Variants in PLEKHA4 observed in about 807,000 individuals in gnomAD.
The protein encoded by PLEKHA4 is pleckstrin homology domain containing A4.
In PLEKHA4, 73 loss-of-function variants were observed where a neutral mutation model predicts 94.7. The observed-to-expected ratio is 0.77, with a 90% CI of 0.64 to 0.94. The LOEUF (loss-of-function observed/expected upper bound fraction) is 0.94, where lower values mean the gene tolerates loss of function less well. PLEKHA4 is among the 40% of genes least tolerant of loss of function. The probability of loss-of-function intolerance (pLI) is 0.00; values close to 1 mark genes in which losing one functional copy is unlikely to be tolerated. For synonymous variants in PLEKHA4, 449 were observed against 437.1 expected (o/e 1.03, Z -0.34); for missense variants, 1,049 against 1,054.1 (o/e 1.00, Z 0.07).
intron 13 of PLEKHA4, among the ~76,000 whole-genome samples, chr19:48,851,881 T>C (rs932122797): frequency 2.0e-5 from 3 of 151,976 alleles, no homozygotes; most frequent in African/African-American, 7.3e-5. Context: ...AAGGCAGAGG[T>C]TGCAGTGCGC....
At chr19:48,849,672 G>C (rs904902770) in intron 13 of PLEKHA4, among the ~76,000 whole-genome samples, 14 of 152,180 alleles carry the variant, frequency 9.2e-5, no homozygotes, top group Admixed American at 7.9e-4. Flanking sequence ...TGAAAAAGCA[G>C]GTCTGAGGCT....
rs1389033705 is a variant in PLEKHA4, at chr19:48,845,552, G to C, written c.1631C>G (p.Pro544Arg). The change falls in exon 15 of 20, where the codon CCT becomes CGT. Residue 544 changes from proline to arginine, a missense_variant. Coordinates refer to ENST00000263265, the MANE Select transcript of PLEKHA4 (RefSeq NM_020904.3). The stretch of plus-strand genomic sequence containing the variant: ...GCTGGCGAGGTCTTTGTCGCCTCCA[G>C]GAGGCCGCCCCCAGTCAGTCTCGGG... Reference protein sequence around the residue: ...RSPETDWGRPPGGDKDLASPH... With the variant: ...RSPETDWGRPRGGDKDLASPH... The C allele has an allele frequency of 2.5e-6, 4 of 1,611,532 alleles. No homozygotes were observed. Among genetic ancestry groups the C allele is most frequent in the Admixed American group, 3.3e-5 (2 of 59,746 alleles).
In PLEKHA4 at chr19:48,857,479, G is replaced by T. The variant is rs778377266; in HGVS notation, c.990C>A (p.Pro330=). The change falls in exon 9 of 20, where the codon CCC becomes CCA. Residue 330 remains proline (P), a synonymous_variant. Coordinates refer to ENST00000263265, the MANE Select transcript of PLEKHA4 (RefSeq NM_020904.3). ...EPRTQAHSGS[P]TYLQLPPRPP... ...GCCGCGGGGGGAGCTGGAGATAAGT[G>T]GGGGAGCCAGAGTGTGCCTGGGAGG... The T allele has an allele frequency of 4.0e-5, 62 of 1,561,220 alleles. No individual in the cohort carries two copies. The highest frequency in any genetic ancestry group is 1.2e-5 in the South Asian group (1 of 84,936).
intron 16 of PLEKHA4, 114 bp downstream of exon 16, chr19:48,845,256 T>A: frequency 1.0e-6 from 1 of 962,034 alleles, no homozygotes; most frequent in Non-Finnish European, 1.6e-6. Context: ...TAACAAGCAG[T>A]GCTCTCTCTG....
intron 17 of PLEKHA4, among the ~76,000 whole-genome samples, chr19:48,840,285 T>C (rs1020303080): frequency 2.6e-5 from 4 of 151,856 alleles, no homozygotes; most frequent in Non-Finnish European, 1.5e-5. Flanking sequence ...TGTAGTGGCA[T>C]ATCCCTGTAG....
chr19:48,864,526 C>T (rs1406369973), intron 3 of PLEKHA4, among the ~76,000 whole-genome samples: 2 of 149,972 alleles, frequency 1.3e-5, no homozygotes, highest in Non-Finnish European at 3.0e-5. Context: ...TGAAGTTCTC[C>T]TCTCTCAGCC....
chr19:48,865,701 G>C (rs2036808031), intron 2 of PLEKHA4, 91 bp from the exon 3 acceptor site: 1 of 831,068 alleles, frequency 1.2e-6, no homozygotes, highest in South Asian at 1.6e-5. Context: ...GTAGGCTCTC[G>C]CTTGGCTGCC....
intron 13 of PLEKHA4, among the ~76,000 whole-genome samples, chr19:48,849,209 GTC>G (rs2036089905): frequency 1.3e-5 from 2 of 151,868 alleles, no homozygotes; most frequent in Admixed American, 6.6e-5. Flanking sequence ...GCTGGCATGG[GTC>G]TGTTCTTGCC....
rs1599860509 is a variant in PLEKHA4, at chr19:48,839,206, T to C, written c.1963A>G (p.Ser655Gly). 10 of 1,586,546 alleles carry C rather than the reference T, an allele frequency of 6.3e-6. No individual in the cohort carries two copies. The highest frequency in any genetic ancestry group is 8.6e-6 in the Non-Finnish European group (10 of 1,164,050). Reference sequence around the variant, plus strand: ...TTGATACGCCCTCCAGTTCCTTACCTACTCCAGGACCCAGAGCTTCTGAGC... The same window carrying C: ...TTGATACGCCCTCCAGTTCCTTACCCACTCCAGGACCCAGAGCTTCTGAGC... Reference protein sequence around the residue: ...KWLRSSGSWSSPRNTTPYLPT... With the variant: ...KWLRSSGSWSGPRNTTPYLPT... The change falls in exon 18 of 20, where the codon AGT becomes GGT. Residue 655 changes from serine to glycine, a missense_variant and splice_region_variant. Transcript: ENST00000263265.
At chr19:48,860,827 G>C (rs1568552758) in intron 5 of PLEKHA4, among the ~76,000 whole-genome samples, 3 of 141,552 alleles carry the variant, frequency 2.1e-5, no homozygotes, top group African/African-American at 7.9e-5. Flanking sequence ...AAGAGAGAAA[G>C]AGAAAGAAAG....
At chr19:48,854,684 A>C in intron 9 of PLEKHA4, among the ~76,000 whole-genome samples, 1 of 136,716 alleles carries the variant, frequency 7.3e-6, no homozygotes, top group Non-Finnish European at 1.5e-5. Flanking sequence ...GCACCATCAT[A>C]TCATGCCTGG....
intron 9 of PLEKHA4, among the ~76,000 whole-genome samples, chr19:48,856,713 G>A (rs990833062): frequency 4.0e-5 from 6 of 150,864 alleles, no homozygotes; most frequent in Admixed American, 4.0e-4. Context: ...GCGAGACTCT[G>A]TCTCAAGAAA....
Position 48,838,095 on chromosome 19 carries a change from C to T in PLEKHA4, c.1999G>A (p.Glu667Lys). Residue 667 changes from glutamate (E) to lysine (K), a missense_variant, in exon 19 of 20, where the codon GAA becomes AAA. Physicochemically the swap from Glu to Lys is moderately conservative, Grantham distance 56. Transcript: ENST00000263265. Reference protein sequence around the residue: ...RNTTPYLPTSEGHRERVLSLS... With the variant: ...RNTTPYLPTSKGHRERVLSLS... ...CTGAGAACCCGCTCCCGGTGACCTTCGGAAGTCGGCAAGTAAGGGGTGGTG... is the reference window on the plus strand; with the variant it reads ...CTGAGAACCCGCTCCCGGTGACCTTTGGAAGTCGGCAAGTAAGGGGTGGTG... 1.2e-6 allele frequency: 2 copies of T among 1,607,520 alleles called. No individual in the cohort carries two copies. Among genetic ancestry groups the T allele is most frequent in the South Asian group, 1.1e-5 (1 of 90,910 alleles).
chr19:48,843,244 T>C (rs1229732304), intron 16 of PLEKHA4, among the ~76,000 whole-genome samples: 1 of 152,154 alleles, frequency 6.6e-6, no homozygotes, highest in African/African-American at 2.4e-5. Context: ...AATGGCACGA[T>C]CTTGGCTCAC....
chr19:48,850,999 G>T (rs1354145524), intron 13 of PLEKHA4, among the ~76,000 whole-genome samples: 1 of 151,644 alleles, frequency 6.6e-6, no homozygotes, highest in East Asian at 2.0e-4. Flanking sequence ...AAATTAACCG[G>T]GCATGGTGGT....
At chr19:48,859,340 C>A (rs1400191413) in intron 7 of PLEKHA4, 129 bp downstream of exon 7, 1 of 1,044,296 alleles carries the variant, frequency 9.6e-7, no homozygotes, top group Non-Finnish European at 1.4e-6. Flanking sequence ...CCCCGACAGG[C>A]TGTGACCCCC....
chr19:48,837,194 G>C lies in PLEKHA4; in HGVS notation c.*95C>G. ...CCTCCCGGGCCCGCAATGGGGACCAGACCACGCCCCCTGATGCCCTGAGTG... is the reference window on the plus strand; with the variant it reads ...CCTCCCGGGCCCGCAATGGGGACCACACCACGCCCCCTGATGCCCTGAGTG... On this transcript the variant is annotated 3_prime_UTR_variant, in exon 20 of 20. Coordinates refer to ENST00000263265, the MANE Select transcript of PLEKHA4 (RefSeq NM_020904.3). The surrounding 1 kb of genome is among the most constrained non-coding windows in gnomAD (Gnocchi z 4.3). The C allele has an allele frequency of 1.3e-6, 2 of 1,583,896 alleles. No homozygotes were observed. Among genetic ancestry groups the C allele is most frequent in the South Asian group, 2.2e-5 (2 of 90,026 alleles).
chr19:48,864,947 C>T (rs2036779159), intron 3 of PLEKHA4, among the ~76,000 whole-genome samples: 1 of 152,150 alleles, frequency 6.6e-6, no homozygotes, highest in African/African-American at 2.4e-5. Flanking sequence ...TCCACCCATG[C>T]TCCACCCAAT....
At position 48,867,413 on chromosome 19, in the gene PLEKHA4, A is replaced by T; in HGVS notation, c.84+124T>A. On this transcript the variant is annotated intron_variant, in intron 2 of 19. Coordinates refer to ENST00000263265, the MANE Select transcript of PLEKHA4 (RefSeq NM_020904.3). The surrounding 1 kb of genome is among the most constrained non-coding windows in gnomAD (Gnocchi z 4.7). ...CGGTGTGTAGGCAATTTGGGACCTT[A>T]CTATGTCTGGCAGACCCCGTTGCTA... 1 of 1,122,242 alleles carries T rather than the reference A, an allele frequency of 8.9e-7. No individual in the cohort carries two copies. The highest frequency in any genetic ancestry group is 2.3e-5 in the Admixed American group (1 of 43,368). The allele number at this position is 1,122,242 out of a possible 1,614,324, so 69.5% of individuals were successfully genotyped here.
Sources: allele counts gnomAD v4.1 joint callset (sites outside exome capture counted in the v4.1 genomes callset), GRCh38; gene constraint gnomAD v4.1.1; non-coding constraint Gnocchi (gnomAD v3.1); transcripts MANE v1.5; gene names NCBI Gene and HGNC (gene_info 2026-07-23, HGNC 2026-07-21).